The following CLIC5 variants were observed in gnomAD, a reference collection of about 807,000 sequenced individuals.
The protein encoded by CLIC5 is chloride intracellular channel protein 5.
CLIC5 carries 20 observed loss-of-function variants against 24.7 expected under a neutral mutation model. The ratio of observed to expected loss-of-function variants is 0.81; its 90% confidence interval spans 0.57 to 1.18. CLIC5 has a LOEUF of 1.18. Among genes scored for constraint, CLIC5 ranks in the 50% most tolerant of loss-of-function variants. The pLI is 0.00. For missense variants in CLIC5, 341 were observed against 326.1 expected, an observed-to-expected ratio of 1.05 and a Z score of -0.35; for synonymous variants, 159 against 135.6, an observed-to-expected ratio of 1.17 and a Z score of -1.20.
rs927969624 is a variant in CLIC5 at position 45,955,013 on chromosome 6, T to C, written c.173+122A>G. ...GCTAAGACTGGATCCTGAGACACAG[T>C]TCTGGACAATGACGTGTGAGCAGGG... On this transcript the variant is annotated intron_variant, in intron 2 of 5. Transcript: ENST00000339561. The C allele has an allele frequency of 4.6e-6, 3 of 653,518 alleles. No individual in the cohort carries two copies. In the African/African-American group the frequency reaches 5.4e-5, roughly 12 times the overall value. The allele number at this position is 653,518 out of a possible 1,614,324, so 40.5% of individuals were successfully genotyped here.
intron 1 of CLIC5, among the ~76,000 whole-genome samples, chr6:46,054,732 T>G (rs1314206961): frequency 6.6e-6 from 1 of 152,260 alleles, no homozygotes; most frequent in East Asian, 1.9e-4. Flanking sequence ...ACCAGAGAGC[T>G]TTCTCTTTCA....
At chr6:45,995,781 A>C (rs1766112980) in intron 1 of CLIC5, among the ~76,000 whole-genome samples, 1 of 152,222 alleles carries the variant, frequency 6.6e-6, no homozygotes, top group Non-Finnish European at 1.5e-5. Context: ...AATACTATGC[A>C]GCCATAAAAA....
At position 45,955,165 on chromosome 6, in the gene CLIC5, A is replaced by T; in HGVS notation, c.143T>A (p.Val48Glu). 6.2e-7 allele frequency: 1 copy of T among 1,613,936 alleles called. No individual in the cohort carries two copies. Among genetic ancestry groups the T allele is most frequent in the Non-Finnish European group, 8.5e-7 (1 of 1,179,818 alleles). Residue 48 changes from valine (V) to glutamate (E), a missense_variant, in exon 2 of 6, where the codon GTG becomes GAG. Coordinates refer to ENST00000339561, the MANE Select transcript of CLIC5 (RefSeq NM_016929.5). ...CAGATCCACAGTGGTGACATTGAAC[A>T]CGACTCCTTTCAGCCAGAGGATCAT... is the stretch of plus-strand genomic sequence containing the variant. ...LFMILWLKGV[V>E]FNVTTVDLKR...
At chr6:45,897,839 T>A (rs1324246414), downstream of CLIC5, among the ~76,000 whole-genome samples, 11 of 152,050 alleles carry the variant, frequency 7.2e-5, no homozygotes, top group Non-Finnish European at 1.5e-5. Flanking sequence ...ATTCTTTAAA[T>A]CATACCTGGA....
rs77613259 is a variant in CLIC5 at position 45,950,797 on chromosome 6, A to G, written c.174-1416T>C. Among the ~76,000 whole-genome samples the G allele has an allele frequency of 2.9e-3, 446 of 152,218 alleles. 1 individual carries two copies. The highest frequency in any genetic ancestry group is 0.01 in the African/African-American group (427 of 41,540). On this transcript the variant is annotated intron_variant, in intron 2 of 5. Coordinates refer to ENST00000339561, the MANE Select transcript of CLIC5 (RefSeq NM_016929.5). ...TTTCACAGTATTTTAACTTAATTCAAGCATCTACTGTTCTCAAAATAAGAC... is the reference window on the plus strand; with the variant it reads ...TTTCACAGTATTTTAACTTAATTCAGGCATCTACTGTTCTCAAAATAAGAC...
chr6:45,977,175 T>C (rs1031709189), intron 1 of CLIC5, among the ~76,000 whole-genome samples: 3 of 152,210 alleles, frequency 2.0e-5, no homozygotes, highest in Non-Finnish European at 4.4e-5. Context: ...TTATAGTAAC[T>C]TTTTCATTCT....
chr6:45,958,864 A>C (rs80230088), intron 1 of CLIC5, among the ~76,000 whole-genome samples: 5,589 of 152,224 alleles, frequency 0.037, 186 homozygotes, highest in Non-Finnish European at 0.047. Context: ...AAATGGATGC[A>C]TGCTGAGGGG....
chr6:46,026,114 A>G (rs149762370), intron 1 of CLIC5, among the ~76,000 whole-genome samples: 3 of 152,190 alleles, frequency 2.0e-5, no homozygotes, highest in Non-Finnish European at 4.4e-5. Context: ...TTTGAGCAAC[A>G]TAAGAAATTA....
intron 4 of CLIC5, chr6:45,918,945 T>A: frequency 5.1e-6 from 5 of 985,366 alleles, no homozygotes; most frequent in Non-Finnish European, 6.0e-6. Flanking sequence ...CCAGGGCACA[T>A]ACGCTTATGC....
At chr6:45,896,729 T>C (rs796332094), downstream of CLIC5, among the ~76,000 whole-genome samples, 15 of 152,340 alleles carry the variant, frequency 9.8e-5, no homozygotes, top group African/African-American at 3.6e-4. Flanking sequence ...CTAGGCACAG[T>C]CACTGCCATC....
At chr6:45,881,712 C>T (rs1250992297) in intron 6 of CLIC5, among the ~76,000 whole-genome samples, 1 of 152,142 alleles carries the variant, frequency 6.6e-6, no homozygotes, top group Non-Finnish European at 1.5e-5. Flanking sequence ...TGCACTTAAT[C>T]ATGAAAATCT....
At chr6:46,045,244 A>G (rs1339911723) in intron 1 of CLIC5, among the ~76,000 whole-genome samples, 1 of 152,168 alleles carries the variant, frequency 6.6e-6, no homozygotes, top group Admixed American at 6.6e-5. Context: ...AAATCACTTG[A>G]TCCAACATAC....
chr6:46,029,251 G>A (rs370791230), intron 1 of CLIC5, among the ~76,000 whole-genome samples: 7 of 152,202 alleles, frequency 4.6e-5, no homozygotes, highest in African/African-American at 1.7e-4. Context: ...TCATGGCACA[G>A]TTCACTTAAC....
At chr6:46,055,513 C>G (rs1466116188) in intron 1 of CLIC5, among the ~76,000 whole-genome samples, 4 of 152,376 alleles carry the variant, frequency 2.6e-5, no homozygotes, top group African/African-American at 7.2e-5. Flanking sequence ...GCTGGGATTA[C>G]AGGCGTGAGC....
chr6:45,959,046 G>C (rs1333304116), intron 1 of CLIC5, among the ~76,000 whole-genome samples: 1 of 152,160 alleles, frequency 6.6e-6, no homozygotes, highest in Non-Finnish European at 1.5e-5. Flanking sequence ...GGAGACTGTG[G>C]TTCTAGATCC....
chr6:45,957,933 G>A (rs1375882986), intron 1 of CLIC5, among the ~76,000 whole-genome samples: 2 of 127,446 alleles, frequency 1.6e-5, no homozygotes, highest in African/African-American at 5.9e-5. Flanking sequence ...AAACCCAGGT[G>A]TACTTTGTTC....
chr6:46,112,593 T>C, the CLIC5 span, among the ~76,000 whole-genome samples: 1 of 152,196 alleles, frequency 6.6e-6, no homozygotes, highest in South Asian at 2.1e-4. Flanking sequence ...CTTTTGTGGG[T>C]TATTAGCAAT....
intron 4 of CLIC5, among the ~76,000 whole-genome samples, chr6:45,927,328 T>C (rs1160441797): frequency 1.3e-5 from 2 of 152,140 alleles, no homozygotes; most frequent in East Asian, 1.9e-4. Flanking sequence ...GGACCAACAG[T>C]GTCCGAATCG....
At chr6:46,079,830 G>A in exon 1 of CLIC5, 1 of 1,552,234 alleles carries the variant, frequency 6.4e-7, no homozygotes, top group Non-Finnish European at 8.7e-7. Context: ...GAAGCTTGAA[G>A]GAGAAGGCAG....
Sources: gnomAD v4.1 joint callset for allele counts (sites outside exome capture counted in the v4.1 genomes callset) on GRCh38, gnomAD v4.1.1 for gene constraint, MANE v1.5 for transcripts, NCBI Gene and HGNC (gene_info 2026-07-23, HGNC 2026-07-21) for gene names.